UACA: variants seen among roughly 807,000 people sequenced by gnomAD.
UACA encodes the protein nuclear membrane binding protein.
UACA carries 112 observed loss-of-function variants against 160.5 expected under a neutral mutation model. That is an observed-to-expected ratio of 0.70 (90% CI 0.60 to 0.82). The LOEUF (loss-of-function observed/expected upper bound fraction) is 0.82. Among genes scored for constraint, UACA ranks in the 40% least tolerant of loss-of-function variants. The pLI, the probability that UACA is intolerant of heterozygous loss-of-function variation, is 0.00. For synonymous variants in UACA, 557 were observed against 568.4 expected (o/e 0.98, Z 0.29); for missense variants, 1,574 against 1,614.6 (o/e 0.97, Z 0.43).
intron 1 of UACA, among the ~76,000 whole-genome samples, chr15:70,711,693 GTTAC>G (rs950953411): frequency 6.6e-6 from 1 of 152,098 alleles, no homozygotes. Flanking sequence ...ATTAAACCCA[GTTAC>G]TTTCTTCAAC....
chr15:70,716,379 C>T (rs1898822259), intron 1 of UACA, among the ~76,000 whole-genome samples: 1 of 152,182 alleles, frequency 6.6e-6, no homozygotes, highest in African/African-American at 2.4e-5. Flanking sequence ...CCAGACAGAC[C>T]AGACCAGCAG....
chr15:70,658,869 T>A (rs952945548), intron 18 of UACA, among the ~76,000 whole-genome samples: 13 of 152,246 alleles, frequency 8.5e-5, no homozygotes, highest in African/African-American at 2.9e-4. Flanking sequence ...TAGTTAACTT[T>A]ATGATGCCAG....
chr15:70,771,003 T>C, the UACA span, among the ~76,000 whole-genome samples: 2 of 152,126 alleles, frequency 1.3e-5, no homozygotes, highest in Non-Finnish European at 2.9e-5. Context: ...ACAATAGAGG[T>C]TGCTCATAAA....
intron 7 of UACA, among the ~76,000 whole-genome samples, chr15:70,685,192 T>C (rs964802170): frequency 6.6e-6 from 1 of 152,158 alleles, no homozygotes; most frequent in Non-Finnish European, 1.5e-5. Context: ...TCTATTGCAA[T>C]AGAACCACTG....
chr15:70,739,840 A>G (rs1423468013), intron 1 of UACA, among the ~76,000 whole-genome samples: 1 of 152,188 alleles, frequency 6.6e-6, no homozygotes, highest in African/African-American at 2.4e-5. Flanking sequence ...TGCCAAATAT[A>G]AAATTCTGTC....
intron 1 of UACA, among the ~76,000 whole-genome samples, chr15:70,741,535 A>T (rs1899534662): frequency 6.6e-6 from 1 of 152,230 alleles, no homozygotes; most frequent in South Asian, 2.1e-4. Flanking sequence ...GAAGTTTCCA[A>T]AACTCTGTTC....
upstream of UACA, among the ~76,000 whole-genome samples, chr15:70,763,995 T>G (rs1324209031): frequency 6.6e-6 from 1 of 152,254 alleles, no homozygotes; most frequent in African/African-American, 2.4e-5. Context: ...TTCAGTCTCC[T>G]GTTTTACTAC....
chr15:70,771,382 G>T, the UACA span, among the ~76,000 whole-genome samples: 1 of 152,228 alleles, frequency 6.6e-6, no homozygotes. Context: ...TCTCAACAGA[G>T]ATAATGCTTT....
In UACA at chr15:70,709,201, A is replaced by G. The variant is rs560983986; in HGVS notation, c.79-9541T>C. Among the ~76,000 whole-genome samples the G allele has an allele frequency of 2.0e-5, 3 of 152,352 alleles. No homozygotes were observed. The South Asian group carries it at 6.2e-4, about 32-fold the overall frequency. ...CTAAAAAGAAGCAGTAAATTTTTTG[A>G]GTGGTATTAATGTTTACCATATATT... On this transcript the variant is annotated intron_variant, in intron 1 of 18. Transcript: ENST00000322954.
intron 1 of UACA, among the ~76,000 whole-genome samples, chr15:70,705,888 G>A (rs1363691599): frequency 6.6e-6 from 1 of 152,082 alleles, no homozygotes; most frequent in East Asian, 1.9e-4. Flanking sequence ...AAGAATTATA[G>A]TAAACTGAGA....
intron 1 of UACA, among the ~76,000 whole-genome samples, chr15:70,713,192 A>G (rs1898734376): frequency 6.6e-6 from 1 of 152,216 alleles, no homozygotes; most frequent in Admixed American, 6.5e-5. Context: ...TCTACTAAAA[A>G]TACAAAAAAT....
At position 70,667,794 on chromosome 15, in the gene UACA, G is replaced by A; in HGVS notation, c.2890C>T (p.His964Tyr). The change falls in exon 16 of 19, where the codon CAT (histidine) becomes TAT (tyrosine). Residue 964 changes from histidine (H) to tyrosine (Y), a missense_variant. By Grantham distance (83) the His-to-Tyr change is moderately conservative (BLOSUM62 2). Transcript: ENST00000322954. ...RKGQEEIVTL[H>Y]AEIKAQKKEL... is the part of the protein sequence containing the mutation. ...TTCTTCTGGGCTTTAATTTCGGCAT[G>A]CAGTGTCACAATCTCTTCTTGGCCT... is the stretch of plus-strand genomic sequence containing the variant. 2 of 1,613,992 alleles carry A rather than the reference G, an allele frequency of 1.2e-6. No individual in the cohort carries two copies. Among genetic ancestry groups the A allele is most frequent in the Non-Finnish European group, 1.7e-6 (2 of 1,179,996 alleles).
intron 1 of UACA, among the ~76,000 whole-genome samples, chr15:70,708,989 C>T (rs1898599603): frequency 6.6e-6 from 1 of 152,176 alleles, no homozygotes; most frequent in South Asian, 2.1e-4. Context: ...TGCAAAACAT[C>T]GTTATCACCA....
chr15:70,712,051 C>CATATAT lies in UACA; in HGVS notation c.79-12397_79-12392dup, dbSNP rs57543862. 1.1e-4 allele frequency among the ~76,000 whole-genome samples: 15 copies of CATATAT among 131,988 alleles called. 1 individual carries two copies. Among genetic ancestry groups the CATATAT allele is most frequent in the African/African-American group, 3.7e-4 (12 of 32,612 alleles). 86.6% of individuals were successfully genotyped at this position (131,988 alleles called of 152,430 possible). ...AACCCAGGCTCCTCTAAGCTCCAGG[C>CATATAT]ATATATATATATATATCTCCATATA... On this transcript the variant is annotated intron_variant, in intron 1 of 18. Transcript: ENST00000322954.
chr15:70,722,602 C>G (rs1338850222), intron 1 of UACA, among the ~76,000 whole-genome samples: 1 of 152,196 alleles, frequency 6.6e-6, no homozygotes, highest in Non-Finnish European at 1.5e-5. Flanking sequence ...TGCAAAACCA[C>G]CATTAAAACA....
In UACA at chr15:70,684,313, G is replaced by A. The variant is rs772144245; in HGVS notation, c.736C>T (p.Leu246=). ...SSYYARIGDN[L]DILTLLKTAS... is the part of the protein sequence containing the mutation. ...GTCTTCAACAAGGTTAGAATGTCCAGATTGTCACCAATTCTTGCATAGTAA... is the reference window on the plus strand; with the variant it reads ...GTCTTCAACAAGGTTAGAATGTCCAAATTGTCACCAATTCTTGCATAGTAA... The change falls in exon 8 of 19, where the codon CTG becomes TTG. Residue 246 remains leucine, a synonymous_variant. Transcript: ENST00000322954. 6.2e-6 allele frequency: 10 copies of A among 1,613,702 alleles called. No individual in the cohort carries two copies. In the East Asian group the frequency reaches 2.2e-4, roughly 36 times the overall value.
the UACA span, among the ~76,000 whole-genome samples, chr15:70,769,934 T>G: frequency 2.6e-5 from 4 of 152,032 alleles, no homozygotes; most frequent in Non-Finnish European, 4.4e-5. Flanking sequence ...GAGGCAGAGG[T>G]TGCCATGAGC....
At chr15:70,765,963 A>G (rs1224111913), upstream of UACA, among the ~76,000 whole-genome samples, 7 of 152,222 alleles carry the variant, frequency 4.6e-5, no homozygotes, top group African/African-American at 1.7e-4. Context: ...GTCTCCTGTA[A>G]CATCCAAGTT....
At chr15:70,694,889 C>G in intron 3 of UACA, 128 bp downstream of exon 3, 9 of 793,262 alleles carry the variant, frequency 1.1e-5, no homozygotes, top group Non-Finnish European at 4.2e-6. Flanking sequence ...TCTTTCTCAA[C>G]TATTTTAAAA....
Sources: allele counts gnomAD v4.1 joint callset (sites outside exome capture counted in the v4.1 genomes callset), GRCh38; gene constraint gnomAD v4.1.1; transcripts MANE v1.5; gene names NCBI Gene and HGNC (gene_info 2026-07-23, HGNC 2026-07-21).